GAPVD1: variants seen among roughly 807,000 people sequenced by gnomAD.
GAPVD1 encodes the protein GTPase-activating protein and VPS9 domain-containing protein 1.
GAPVD1 carries 35 observed loss-of-function variants against 155.5 expected under a neutral mutation model. The ratio of observed to expected loss-of-function variants is 0.23; its 90% CI spans 0.17 to 0.30. The LOEUF is 0.30. Ranked by LOEUF, GAPVD1 falls within the 10% of genes least tolerant of loss-of-function variation. The pLI, the probability that GAPVD1 is intolerant of heterozygous loss-of-function variation, is 1.00. For synonymous variants in GAPVD1, 636 were observed against 619.7 expected (o/e 1.03, Z -0.39); for missense variants, 1,429 against 1,775.7 (o/e 0.80, Z 3.51).
intron 9 of GAPVD1, among the ~76,000 whole-genome samples, chr9:125,314,437 C>G (rs1442284120): frequency 1.3e-5 from 2 of 152,212 alleles, no homozygotes; most frequent in East Asian, 3.9e-4. Context: ...GGGTGGATCC[C>G]CCGAGGTCAG....
intron 17 of GAPVD1, among the ~76,000 whole-genome samples, chr9:125,340,788 C>G (rs1026853317): frequency 6.6e-6 from 1 of 152,130 alleles, no homozygotes. Context: ...GGTAAACTAC[C>G]GTGCTCCAAA....
At position 125,284,672 on chromosome 9, in the gene GAPVD1, A is replaced by G. The variant is rs556881367; in HGVS notation, c.-149-10786A>G. 2.6e-5 allele frequency among the ~76,000 whole-genome samples: 4 copies of G among 152,154 alleles called. No homozygotes were observed. The South Asian group carries it at 8.3e-4, about 32-fold the overall frequency. ...TAATGAGAGGGATACATTCTGAGAA[A>G]TGTGTCATTAGGCAGTGTCATTGTG... On this transcript the variant is annotated intron_variant, in intron 2 of 27. Transcript: ENST00000297933.
intron 9 of GAPVD1, among the ~76,000 whole-genome samples, chr9:125,312,871 A>G (rs1842850592): frequency 6.6e-6 from 1 of 152,206 alleles, no homozygotes; most frequent in South Asian, 2.1e-4. Context: ...CCCAGGCTGG[A>G]GTGCAATAGC....
intron 11 of GAPVD1, 84 bp downstream of exon 11, chr9:125,324,007 C>A: frequency 2.5e-6 from 3 of 1,223,372 alleles, no homozygotes; most frequent in Non-Finnish European, 3.5e-6. Context: ...ATTAAGTTGG[C>A]TTGGTTCAGT....
At chr9:125,270,318 A>G (rs1285080931) in intron 2 of GAPVD1, among the ~76,000 whole-genome samples, 1 of 152,086 alleles carries the variant, frequency 6.6e-6, no homozygotes, top group Non-Finnish European at 1.5e-5. Context: ...AGTCCCAGCT[A>G]CTTGGGAGGC....
At chr9:125,281,823 C>CT (rs1026074271) in intron 2 of GAPVD1, among the ~76,000 whole-genome samples, 74 of 144,226 alleles carry the variant, frequency 5.1e-4, no homozygotes, top group South Asian at 3.3e-3. Context: ...AGATAATTGG[C>CT]TTTTTTTTTT....
intron 15 of GAPVD1, chr9:125,335,404 G>A (rs1051097777): frequency 9.3e-6 from 4 of 429,914 alleles, no homozygotes; most frequent in African/African-American, 2.1e-5. Flanking sequence ...GGGGCTGGGC[G>A]CGGTGGCTCA....
chr9:125,344,348 C>G (rs1848234902), intron 19 of GAPVD1, among the ~76,000 whole-genome samples: 1 of 152,076 alleles, frequency 6.6e-6, no homozygotes, highest in Non-Finnish European at 1.5e-5. Context: ...AAACCTCCCC[C>G]AATTTTTAGA....
intron 12 of GAPVD1, 120 bp downstream of exon 12, chr9:125,326,709 A>G: frequency 1.5e-6 from 1 of 686,284 alleles, no homozygotes; most frequent in South Asian, 1.9e-5. Context: ...CATCTGGGAA[A>G]CTGTTATAAC....
At chr9:125,359,222 C>G (rs1850565918) in intron 25 of GAPVD1, among the ~76,000 whole-genome samples, 198 bp from the exon 26 acceptor site, 1 of 152,176 alleles carries the variant, frequency 6.6e-6, no homozygotes, top group Non-Finnish European at 1.5e-5. Context: ...CCCTGCATCC[C>G]CTTGGCTCAC....
chr9:125,337,917 C>T (rs1442362751), intron 17 of GAPVD1, among the ~76,000 whole-genome samples: 2 of 152,080 alleles, frequency 1.3e-5, no homozygotes, highest in Non-Finnish European at 2.9e-5. Flanking sequence ...ACTCTGTTGC[C>T]CAGGCTAGAG....
chr9:125,302,806 G>A lies in GAPVD1; in HGVS notation c.1009G>A (p.Ala337Thr), dbSNP rs1312091761. Residue 337 changes from alanine to threonine, a missense_variant, in exon 5 of 28, where the codon GCA (alanine) becomes ACA (threonine). Transcript: ENST00000297933. ...TTCCGATGCTCCTATTAATGAAGTA[G>A]CACGATTTAATCTGATGCAGGTATG... Reference protein sequence around the residue: ...IISDAPINEVARFNLMQVGRL... With the variant: ...IISDAPINEVTRFNLMQVGRL... 5 of 1,604,354 alleles carry A rather than the reference G, an allele frequency of 3.1e-6. No homozygotes were observed.
chr9:125,301,933 TTATTAATAC>T, intron 4 of GAPVD1, 41 bp from the exon 5 acceptor site: 1 of 1,315,436 alleles, frequency 7.6e-7, no homozygotes, highest in East Asian at 2.4e-5. Context: ...TGTGTTATTA[TTATTAATAC>T]TATTATTTTG....
At chr9:125,353,806 C>A (rs1849648040) in intron 23 of GAPVD1, among the ~76,000 whole-genome samples, 1 of 152,142 alleles carries the variant, frequency 6.6e-6, no homozygotes, top group Non-Finnish European at 1.5e-5. Flanking sequence ...TCAATTCCCT[C>A]CCACAACACA....
At position 125,342,438 on chromosome 9, in the gene GAPVD1, C is replaced by CT. The variant is rs1437988101; in HGVS notation, c.3046+140dup. ...AGTGGGGAGTATGTTCTTCATAGCT[C>CT]TGTGGTTTCCAGTTGGTGGCCACAG... On this transcript the variant is annotated intron_variant, in intron 19 of 27. Coordinates refer to ENST00000297933, the MANE Select transcript of GAPVD1 (RefSeq NM_001282680.3). 3 of 613,406 alleles carry CT rather than the reference C, an allele frequency of 4.9e-6. No individual in the cohort carries two copies. The East Asian group carries it at 8.1e-5, about 17-fold the overall frequency. 38.0% of individuals were successfully genotyped at this position (613,406 alleles called of 1,614,324 possible). A position where few individuals can be genotyped will look rare whatever the true frequency, so the allele number is the denominator to read the frequency against.
chr9:125,288,134 C>T (rs1264870762), intron 2 of GAPVD1, among the ~76,000 whole-genome samples: 5 of 134,308 alleles, frequency 3.7e-5, no homozygotes, highest in South Asian at 2.4e-4. Flanking sequence ...TTTTTTGAGA[C>T]GGAGTCTCAC....
intron 1 of GAPVD1, among the ~76,000 whole-genome samples, chr9:125,268,198 C>G (rs1218259317): frequency 2.0e-5 from 3 of 146,414 alleles, no homozygotes; most frequent in Admixed American, 1.4e-4. Flanking sequence ...CAAACAACCC[C>G]CCCCCCCAAA....
chr9:125,359,497 TAC>T lies in GAPVD1; in HGVS notation c.4044+7_4044+8del, dbSNP rs773612711. The T allele has an allele frequency of 2.9e-6, 4 of 1,387,510 alleles. No individual in the cohort carries two copies. Among genetic ancestry groups the T allele is most frequent in the Non-Finnish European group, 3.1e-6 (3 of 973,288 alleles). The allele number at this position is 1,387,510 out of a possible 1,614,324, so 85.9% of individuals were successfully genotyped here. A position where few individuals can be genotyped will look rare whatever the true frequency, so the allele number is the denominator to read the frequency against. ...AGAGCTCTTCAGATACCAGAGGTAA[TAC>T]AGGTTTATATAGCATGGGTAATGTT... On this transcript the variant is annotated splice_donor_region_variant and intron_variant, in intron 26 of 27. Transcript: ENST00000297933.
intron 2 of GAPVD1, among the ~76,000 whole-genome samples, chr9:125,279,143 C>T (rs1836303260): frequency 6.9e-6 from 1 of 143,920 alleles, no homozygotes; most frequent in Non-Finnish European, 1.5e-5. Flanking sequence ...ACCTGGGAGG[C>T]AGAGGCTGCA....
Sources: gnomAD v4.1 joint callset for allele counts (sites outside exome capture counted in the v4.1 genomes callset) on GRCh38, gnomAD v4.1.1 for gene constraint, MANE v1.5 for transcripts, NCBI Gene and HGNC (gene_info 2026-07-23, HGNC 2026-07-21) for gene names.